MAGI2: variants seen among roughly 807,000 people sequenced by gnomAD.
MAGI2 encodes the protein membrane-associated guanylate kinase, WW and PDZ domain-containing protein 2.
A neutral mutation model predicts 133.3 loss-of-function variants in MAGI2; 35 were observed. The ratio of observed to expected loss-of-function variants is 0.26; its 90% CI spans 0.20 to 0.35. The LOEUF (loss-of-function observed/expected upper bound fraction) is 0.35. Among genes scored for constraint, MAGI2 ranks in the 10% least tolerant of loss-of-function variants. The probability of loss-of-function intolerance (pLI) is 1.00; values close to 1 mark genes in which losing one functional copy is unlikely to be tolerated. For missense variants in MAGI2, 1,636 were observed against 1,863.4 expected (o/e 0.88, Z 2.25); for synonymous variants, 729 against 710.6 (o/e 1.03, Z -0.41).
chr7:78,761,657 C>T (rs1282586728), intron 2 of MAGI2, among the ~76,000 whole-genome samples: 2 of 151,902 alleles, frequency 1.3e-5, no homozygotes, highest in Non-Finnish European at 2.9e-5. Flanking sequence ...GGGGTTTCAC[C>T]ATGTTAGCCA....
chr7:78,821,420 C>G (rs1465493325), intron 2 of MAGI2, among the ~76,000 whole-genome samples: 1 of 151,598 alleles, frequency 6.6e-6, no homozygotes, highest in Non-Finnish European at 1.5e-5. Flanking sequence ...AGTATGGGAA[C>G]AAATAAAGCA....
chr7:79,089,680 C>A lies in MAGI2; in HGVS notation c.302-82474G>T, dbSNP rs187325442. 9.1e-4 allele frequency among the ~76,000 whole-genome samples: 139 copies of A among 151,998 alleles called. 1 individual carries two copies. In the East Asian group the frequency reaches 0.023, roughly 25 times the overall value. ...AGGAACATGGATGAAGCTGGAAACCCTCATTCTCAGCAAACTAACCCTCAT... is the reference window on the plus strand; with the variant it reads ...AGGAACATGGATGAAGCTGGAAACCATCATTCTCAGCAAACTAACCCTCAT... On this transcript the variant is annotated intron_variant, in intron 1 of 21. Transcript: ENST00000354212.
intron 1 of MAGI2, among the ~76,000 whole-genome samples, chr7:79,391,364 A>G (rs547211721): frequency 6.6e-6 from 1 of 151,654 alleles, no homozygotes; most frequent in South Asian, 2.1e-4. Context: ...AAATATACAG[A>G]AAATGACTTC....
intron 10 of MAGI2, among the ~76,000 whole-genome samples, chr7:78,224,767 A>T (rs191623085): frequency 8.7e-4 from 129 of 148,636 alleles, no homozygotes; most frequent in Admixed American, 1.8e-3. Context: ...AATAACAGAC[A>T]GTTTTCCACC....
At chr7:78,601,366 A>G (rs1054262760) in intron 3 of MAGI2, among the ~76,000 whole-genome samples, 6 of 152,212 alleles carry the variant, frequency 3.9e-5, no homozygotes, top group Non-Finnish European at 7.4e-5. Context: ...AATGGGTCCC[A>G]AAGATTTGAA....
intron 9 of MAGI2, among the ~76,000 whole-genome samples, chr7:78,298,433 T>C (rs1189171022): frequency 6.6e-6 from 1 of 152,178 alleles, no homozygotes; most frequent in Non-Finnish European, 1.5e-5. Flanking sequence ...TAAGGTAAGA[T>C]GTTAAGAAGA....
intron 3 of MAGI2, among the ~76,000 whole-genome samples, chr7:78,619,335 T>C (rs1807465281): frequency 6.6e-6 from 1 of 151,752 alleles, no homozygotes; most frequent in South Asian, 2.1e-4. Flanking sequence ...TTATGGATTG[T>C]GAGAGAGTCA....
At chr7:79,046,358 C>A (rs1223321160) in intron 1 of MAGI2, among the ~76,000 whole-genome samples, 1 of 152,180 alleles carries the variant, frequency 6.6e-6, no homozygotes, top group Non-Finnish European at 1.5e-5. Context: ...AGACAGCTAT[C>A]TACAACAAGC....
chr7:79,210,655 C>T (rs571029804), intron 1 of MAGI2, among the ~76,000 whole-genome samples: 2 of 152,154 alleles, frequency 1.3e-5, no homozygotes, highest in Non-Finnish European at 2.9e-5. Context: ...TGCAACATAA[C>T]TCATGTGCGC....
At chr7:78,598,357 T>G (rs372443393) in intron 3 of MAGI2, among the ~76,000 whole-genome samples, 1 of 151,408 alleles carries the variant, frequency 6.6e-6, no homozygotes, top group Non-Finnish European at 1.5e-5. Flanking sequence ...TACGGGGAGG[T>G]GCTGAGGAGG....
intron 2 of MAGI2, among the ~76,000 whole-genome samples, chr7:78,733,027 G>A (rs559828499): frequency 1.3e-5 from 2 of 152,208 alleles, no homozygotes; most frequent in Non-Finnish European, 2.9e-5. Context: ...TTAAGGGGCT[G>A]TGCAAGGAAA....
At chr7:78,686,266 T>C (rs1223078138) in intron 2 of MAGI2, among the ~76,000 whole-genome samples, 1 of 152,146 alleles carries the variant, frequency 6.6e-6, no homozygotes, top group Non-Finnish European at 1.5e-5. Context: ...CTCCTTGCTT[T>C]GGTTGATGGC....
At chr7:79,193,080 TG>T (rs1827806743) in intron 1 of MAGI2, among the ~76,000 whole-genome samples, 1 of 151,920 alleles carries the variant, frequency 6.6e-6, no homozygotes, top group African/African-American at 2.4e-5. Context: ...CACAAAGTGC[TG>T]GGATTACAGG....
At chr7:78,484,980 G>C (rs1434111136) in intron 6 of MAGI2, 2 of 151,802 alleles carry the variant, frequency 1.3e-5, no homozygotes, top group Non-Finnish European at 2.9e-5. Context: ...GATCCTACTG[G>C]GTTTAATAAC....
At chr7:78,098,402 TTAGCAAATA>T (rs1442748231) in intron 20 of MAGI2, among the ~76,000 whole-genome samples, 2 of 152,204 alleles carry the variant, frequency 1.3e-5, no homozygotes, top group African/African-American at 4.8e-5. Flanking sequence ...TTGTTGCAAT[TTAGCAAATA>T]TAGAAGATAT....
intron 2 of MAGI2, among the ~76,000 whole-genome samples, chr7:78,869,836 GCT>G: frequency 6.6e-6 from 1 of 152,224 alleles, no homozygotes; most frequent in Non-Finnish European, 1.5e-5. Context: ...GGGCACAAAG[GCT>G]AACCATCAGT....
intron 1 of MAGI2, among the ~76,000 whole-genome samples, chr7:79,221,161 T>C (rs556787418): frequency 6.6e-6 from 1 of 152,212 alleles, no homozygotes; most frequent in East Asian, 1.9e-4. Context: ...GTCTAAATTA[T>C]GAAATGACTG....
intron 6 of MAGI2, among the ~76,000 whole-genome samples, chr7:78,404,747 A>G (rs1422838083): frequency 6.6e-6 from 1 of 152,190 alleles, no homozygotes; most frequent in African/African-American, 2.4e-5. Flanking sequence ...ACCATTCAGG[A>G]CACAGGCACG....
intron 2 of MAGI2, among the ~76,000 whole-genome samples, chr7:78,863,576 G>A (rs751546604): frequency 6.6e-6 from 1 of 152,212 alleles, no homozygotes; most frequent in Non-Finnish European, 1.5e-5. Context: ...CCTGCCATTA[G>A]GCCCCACCTT....
Sources: gnomAD v4.1 joint callset for allele counts (sites outside exome capture counted in the v4.1 genomes callset) on GRCh38, gnomAD v4.1.1 for gene constraint, MANE v1.5 for transcripts, NCBI Gene and HGNC (gene_info 2026-07-23, HGNC 2026-07-21) for gene names.